PCIF1: variants seen among roughly 807,000 people sequenced by gnomAD.
PCIF1 encodes phosphorylated CTD interacting factor 1, also known as mRNA (2'-O-methyladenosine-N(6)-)-methyltransferase.
Under a neutral mutation model 86.9 loss-of-function variants are expected in PCIF1, and 12 were observed. The ratio of observed to expected loss-of-function variants is 0.14; its 90% CI spans 0.09 to 0.22. The LOEUF (loss-of-function observed/expected upper bound fraction) is 0.22, where lower values mean the gene tolerates loss of function less well. PCIF1 is among the 10% of genes least tolerant of loss of function. The pLI, the probability that PCIF1 is intolerant of heterozygous loss-of-function variation, is 1.00. For synonymous variants in PCIF1, 397 were observed against 372.0 expected (o/e 1.07, Z -0.77); for missense variants, 701 against 951.1 (o/e 0.74, Z 3.46).
chr20:45,941,096 C>T lies in PCIF1; in HGVS notation c.562C>T (p.His188Tyr). Residue 188 changes from histidine (H) to tyrosine (Y), a missense_variant, in exon 7 of 17, where the codon CAC (histidine) becomes TAC (tyrosine). His to Tyr is a moderately conservative substitution (Grantham distance 83, BLOSUM62 2). This residue lies in a region of PCIF1 where 125 missense variants were observed against 126.8 expected (regional missense o/e 0.99). Transcript: ENST00000372409. ...CATCCAGACCAATGCTGTCATCAAG[C>T]ACCGGGGGCCTTCAGAGGTGCTGCC... ...LDIQTNAVIKHRGPSEVLPPH... is the reference protein window; with the variant it reads ...LDIQTNAVIKYRGPSEVLPPH... 2 of 1,614,258 alleles carry T rather than the reference C, an allele frequency of 1.2e-6. No individual in the cohort carries two copies. The highest frequency in any genetic ancestry group is 1.7e-6 in the Non-Finnish European group (2 of 1,180,042).
chr20:45,947,433 CAAG>C lies in PCIF1; in HGVS notation c.1882_1883+1del, dbSNP rs1568798476. The C allele has an allele frequency of 1.9e-6, 3 of 1,613,880 alleles. No individual in the cohort carries two copies. The highest frequency in any genetic ancestry group is 2.2e-5 in the East Asian group (1 of 44,874). ...ACCGCAGTGGCTCCCAGCACATCTG[CAAG>C]AAGTGGGTGCCAGGGAGGGCAGGGG... On this transcript the variant is annotated inframe_deletion and splice_region_variant, in exon 16 of 17. Transcript: ENST00000372409. This position sits in a 1 kb window ranked among gnomAD's most constrained non-coding sequence, Gnocchi z 5.4.
intron 1 of PCIF1, among the ~76,000 whole-genome samples, chr20:45,936,922 G>A (rs2083431591): frequency 6.6e-6 from 1 of 152,172 alleles, no homozygotes; most frequent in Non-Finnish European, 1.5e-5. Flanking sequence ...GTCTCACTCC[G>A]TCTCAAAGGA....
In PCIF1 at chr20:45,947,476, G is replaced by A; in HGVS notation, c.1883+38G>A. On this transcript the variant is annotated intron_variant, in intron 16 of 16. Transcript: ENST00000372409. This position sits in a 1 kb window ranked among gnomAD's most constrained non-coding sequence, Gnocchi z 5.4. Reference sequence around the variant, plus strand: ...GAGGGCAGGGGAAGGAGGCTGGGCTGGCCAGGCCAGGCCCAGCCCCACCCT... The same window carrying A: ...GAGGGCAGGGGAAGGAGGCTGGGCTAGCCAGGCCAGGCCCAGCCCCACCCT... 6.2e-7 allele frequency: 1 copy of A among 1,613,022 alleles called. No individual in the cohort carries two copies. Among genetic ancestry groups the A allele is most frequent in the Non-Finnish European group, 8.5e-7 (1 of 1,179,818 alleles).
In PCIF1 at chr20:45,939,049, G is replaced by A. The variant is rs148051478; in HGVS notation, c.50G>A (p.Ser17Asn). 10 of 1,613,996 alleles carry A rather than the reference G, an allele frequency of 6.2e-6. No individual in the cohort carries two copies. Among genetic ancestry groups the A allele is most frequent in the South Asian group, 1.1e-5 (1 of 91,074 alleles). Residue 17 changes from serine (S) to asparagine (N), a missense_variant, in exon 3 of 17, where the codon AGT becomes AAT. Ser to Asn is a conservative substitution (Grantham distance 46). Coordinates refer to ENST00000372409, the MANE Select transcript of PCIF1 (RefSeq NM_022104.4). The stretch of plus-strand genomic sequence containing the variant: ...CCCCGGGAGGAAGCGTCCCTGCTGA[G>A]TCACTCCCCAGGTACCTCCAATCAG... ...GSPREEASLL[S>N]HSPGTSNQSQ...
chr20:45,939,438 G>C (rs554697381), intron 4 of PCIF1, 99 bp downstream of exon 4: 2 of 1,520,190 alleles, frequency 1.3e-6, no homozygotes, highest in Non-Finnish European at 1.8e-6. Flanking sequence ...CCAGCCCTGT[G>C]CTGGCACCTG....
intron 6 of PCIF1, 30 bp from the exon 7 acceptor site, chr20:45,941,023 C>T (rs1467600049): frequency 6.2e-7 from 1 of 1,614,062 alleles, no homozygotes; most frequent in African/African-American, 1.3e-5. Flanking sequence ...GTGGGCAGGA[C>T]ATCCTCATCA....
chr20:45,942,278 C>CTTTT (rs764329042), intron 7 of PCIF1, among the ~76,000 whole-genome samples: 4 of 118,178 alleles, frequency 3.4e-5, no homozygotes, highest in Non-Finnish European at 7.3e-5. Context: ...CCGGCCCACC[C>CTTTT]TTTTTTTTTT....
chr20:45,934,952 G>A (rs1466667879), intron 1 of PCIF1, 148 bp downstream of exon 1: 2 of 395,450 alleles, frequency 5.1e-6, no homozygotes, highest in African/African-American at 4.1e-5. Context: ...AGACCCGCGG[G>A]TGGGCGGCCG....
At position 45,947,367 on chromosome 20, in the gene PCIF1, C is replaced by T. The variant is rs2083540028; in HGVS notation, c.1812C>T (p.Phe604=). 2 of 1,613,906 alleles carry T rather than the reference C, an allele frequency of 1.2e-6. No homozygotes were observed. The highest frequency in any genetic ancestry group is 1.3e-5 in the African/African-American group (1 of 74,944). The change falls in exon 16 of 17, where the codon TTC becomes TTT. Residue 604 remains phenylalanine, a synonymous_variant. Transcript: ENST00000372409. The surrounding 1 kb of genome is among the most constrained non-coding windows in gnomAD (Gnocchi z 5.4). ...PALTRMEQSR[F]KRHQLILPAF... The stretch of plus-strand genomic sequence containing the variant: ...TCACCCGCATGGAGCAGAGCCGCTT[C>T]AAACGCCACCAGTTGATCCTGCCTG...
intron 4 of PCIF1, among the ~76,000 whole-genome samples, chr20:45,939,968 C>T (rs1305188140): frequency 2.0e-5 from 3 of 152,094 alleles, no homozygotes; most frequent in South Asian, 2.1e-4. Context: ...ACGACTGGCA[C>T]GAGACCTCAC....
Position 45,946,077 on chromosome 20 carries a change from T to G in PCIF1, c.1390T>G (p.Phe464Val). The G allele has an allele frequency of 6.2e-7, 1 of 1,614,178 alleles. No individual in the cohort carries two copies. The highest frequency in any genetic ancestry group is 8.5e-7 in the Non-Finnish European group (1 of 1,180,020). Residue 464 changes from phenylalanine (F) to valine (V), a missense_variant, in exon 13 of 17, where the codon TTC becomes GTC. Around this residue, in one of 7 missense-constraint regions of PCIF1, gnomAD observed 121 missense variants for 131.7 expected, o/e 0.92. Transcript: ENST00000372409. ...SCIDDSAFER[F>V]LPRVWCLLRR... ...CATTGATGACTCTGCCTTTGAGAGG[T>G]TCCTGCCCCGGGTCTGGTGTCTTCT...
intron 7 of PCIF1, 40 bp downstream of exon 7, chr20:45,941,247 A>G: frequency 6.4e-7 from 1 of 1,551,420 alleles, no homozygotes. Context: ...ATTTCCACCC[A>G]CCTTTAGCAT....
rs753996754 is a variant in PCIF1 at position 45,941,050 on chromosome 20, A to G, written c.519-3A>G. ...TCCTCATCACTCCTCTCTGTGCCCCAAGGGTCTACTGGGACCTGGACATCC... is the reference window on the plus strand; with the variant it reads ...TCCTCATCACTCCTCTCTGTGCCCCGAGGGTCTACTGGGACCTGGACATCC... On this transcript the variant is annotated splice_polypyrimidine_tract_variant and splice_region_variant and intron_variant, in intron 6 of 16. Coordinates refer to ENST00000372409, the MANE Select transcript of PCIF1 (RefSeq NM_022104.4). 2.5e-6 allele frequency: 4 copies of G among 1,614,110 alleles called. No individual in the cohort carries two copies. Among genetic ancestry groups the G allele is most frequent in the Non-Finnish European group, 3.4e-6 (4 of 1,180,008 alleles).
intron 10 of PCIF1, 79 bp from the exon 11 acceptor site, chr20:45,944,789 A>G (rs1437367233): frequency 6.3e-5 from 94 of 1,487,376 alleles, no homozygotes; most frequent in East Asian, 3.9e-4. Flanking sequence ...CTGGACTCCA[A>G]CAGCCCTGCG....
intron 4 of PCIF1, 81 bp from the exon 5 acceptor site, chr20:45,940,394 T>TA: frequency 6.9e-7 from 1 of 1,454,020 alleles, no homozygotes; most frequent in South Asian, 1.4e-5. Context: ...GGAGCAGGGG[T>TA]GGGAGGGCGT....
Position 45,934,738 on chromosome 20 carries a change from C to G in PCIF1, c.-254C>G, listed in dbSNP as rs2083399894. On this transcript the variant is annotated 5_prime_UTR_variant, in exon 1 of 17. Transcript: ENST00000372409. ...GGCAGCGGCGCTGGGGAGGGCGAGG[C>G]GGAGGCGGCAAAACGGGCGGTCGAG... The G allele has an allele frequency of 2.5e-6, 1 of 398,938 alleles. No homozygotes were observed. The allele number at this position is 398,938 out of a possible 1,614,324, so 24.7% of individuals were successfully genotyped here. A position where few individuals can be genotyped will look rare whatever the true frequency, so the allele number is the denominator to read the frequency against.
intron 14 of PCIF1, 101 bp downstream of exon 14, chr20:45,946,485 A>G (rs1600510129): frequency 7.4e-7 from 1 of 1,358,692 alleles, no homozygotes; most frequent in Non-Finnish European, 1.0e-6. Flanking sequence ...GCTTGGGTGG[A>G]GTCCCTGCCT....
chr20:45,935,116 G>GCGGAGCCCGAGAGATGGGC (rs2083408527), intron 1 of PCIF1, among the ~76,000 whole-genome samples: 1 of 151,552 alleles, frequency 6.6e-6, no homozygotes, highest in Non-Finnish European at 1.5e-5. Context: ...GGGGCGGGGG[G>GCGGAGCCCGAGAGATGGGC]CGGAGCCCGA....
chr20:45,943,681 C>T lies in PCIF1; in HGVS notation c.921C>T (p.Asp307=), dbSNP rs758576575. ...RLIESRSASP[D]SRKVVKWNVE... is the part of the protein sequence containing the mutation. ...TGACTGGCAGGAGTGCATCCCCTGACAGTAGGAAGGTGGTCAAATGGAATG... is the reference window on the plus strand; with the variant it reads ...TGACTGGCAGGAGTGCATCCCCTGATAGTAGGAAGGTGGTCAAATGGAATG... Residue 307 remains aspartate (D), a synonymous_variant, in exon 10 of 17, where the codon GAC becomes GAT. Transcript: ENST00000372409. This position sits in a 1 kb window ranked among gnomAD's most constrained non-coding sequence, Gnocchi z 5.5. 2.6e-6 allele frequency: 4 copies of T among 1,561,224 alleles called. No individual in the cohort carries two copies. In the South Asian group the frequency reaches 4.7e-5, roughly 18 times the overall value.
Sources: gnomAD v4.1 joint callset for allele counts (sites outside exome capture counted in the v4.1 genomes callset) on GRCh38, gnomAD v4.1.1 for gene constraint, gnomAD v4.1.1 regional missense constraint, Gnocchi (gnomAD v3.1) non-coding constraint, MANE v1.5 for transcripts, NCBI Gene and HGNC (gene_info 2026-07-23, HGNC 2026-07-21) for gene names.